Variants in HACD2 observed in about 807,000 individuals in gnomAD.
HACD2 encodes very-long-chain (3R)-3-hydroxyacyl-CoA dehydratase 2.
Under a neutral mutation model 31.0 loss-of-function variants are expected in HACD2, and 15 were observed. That is an observed-to-expected ratio of 0.48 (90% CI 0.32 to 0.75). The LOEUF is 0.75. HACD2 is among the 30% of genes least tolerant of loss of function. The pLI is 0.03. For synonymous variants in HACD2, 115 were observed against 122.2 expected (o/e 0.94, Z 0.39); for missense variants, 283 against 313.0 (o/e 0.90, Z 0.72).
intron 1 of HACD2, among the ~76,000 whole-genome samples, chr3:123,584,101 C>G (rs2056996306): frequency 6.6e-6 from 1 of 152,148 alleles, no homozygotes. Context: ...CCCAGACCAA[C>G]CCTTTAGTTT....
chr3:123,549,074 C>T (rs1267882108), intron 3 of HACD2, among the ~76,000 whole-genome samples: 1 of 151,448 alleles, frequency 6.6e-6, no homozygotes, highest in Non-Finnish European at 1.5e-5. Flanking sequence ...CCTTCAAAAG[C>T]TTATGAATAG....
chr3:123,577,629 A>C (rs820441), intron 2 of HACD2, among the ~76,000 whole-genome samples: 3,791 of 151,970 alleles, frequency 0.025, 69 homozygotes, highest in Middle Eastern at 0.085. Flanking sequence ...TCAAAAAAAA[A>C]AAAAAAAAAG....
chr3:123,575,744 A>AT (rs986675421), intron 2 of HACD2, among the ~76,000 whole-genome samples: 5 of 152,072 alleles, frequency 3.3e-5, no homozygotes, highest in Admixed American at 2.0e-4. Flanking sequence ...CTACACGGGG[A>AT]TTTTTTCTTC....
At chr3:123,584,487 T>G (rs994770984) in intron 1 of HACD2, 1 of 179,666 alleles carries the variant, frequency 5.6e-6, no homozygotes, top group Non-Finnish European at 1.2e-5. Flanking sequence ...CCACTCCCCA[T>G]GCTGGCGCCG....
chr3:123,513,711 C>T (rs1480238214), intron 4 of HACD2, among the ~76,000 whole-genome samples: 1 of 152,156 alleles, frequency 6.6e-6, no homozygotes, highest in African/African-American at 2.4e-5. Context: ...AATCCCAGTG[C>T]TCAGCACAAG....
chr3:123,509,945 T>C (rs1213950369), intron 4 of HACD2, among the ~76,000 whole-genome samples: 1 of 152,180 alleles, frequency 6.6e-6, no homozygotes, highest in Admixed American at 6.5e-5. Context: ...AGGTAGGTTT[T>C]TCATCTTACC....
intron 3 of HACD2, among the ~76,000 whole-genome samples, chr3:123,529,794 A>G (rs1223633077): frequency 6.6e-6 from 1 of 152,218 alleles, no homozygotes; most frequent in Non-Finnish European, 1.5e-5. Context: ...ACCTGGTTAT[A>G]TAATTGTGTA....
At chr3:123,515,570 G>A (rs1230692247) in intron 4 of HACD2, among the ~76,000 whole-genome samples, 4 of 152,092 alleles carry the variant, frequency 2.6e-5, no homozygotes, top group Non-Finnish European at 5.9e-5. Context: ...GCTTGGGCTC[G>A]AGAACAGGGC....
At chr3:123,513,375 A>G (rs1004178412) in intron 4 of HACD2, among the ~76,000 whole-genome samples, 2 of 152,318 alleles carry the variant, frequency 1.3e-5, no homozygotes, top group South Asian at 2.1e-4. Flanking sequence ...TAATTAATAA[A>G]AAGGAGGTGA....
intron 2 of HACD2, among the ~76,000 whole-genome samples, chr3:123,569,392 T>C (rs1386064742): frequency 6.6e-6 from 1 of 152,146 alleles, no homozygotes; most frequent in Non-Finnish European, 1.5e-5. Context: ...CACAGGATCA[T>C]ATTCTGTCAC....
At chr3:123,537,578 TACACATAC>T (rs1321238499) in intron 3 of HACD2, among the ~76,000 whole-genome samples, 88 of 144,402 alleles carry the variant, frequency 6.1e-4, no homozygotes, top group African/African-American at 1.8e-3. Flanking sequence ...CAACAACAAA[TACACATAC>T]ACACACACAC....
intron 3 of HACD2, among the ~76,000 whole-genome samples, chr3:123,561,262 T>C (rs763988590): frequency 6.6e-6 from 1 of 152,174 alleles, no homozygotes; most frequent in African/African-American, 2.4e-5. Context: ...CCGATGAATA[T>C]TAAGGTGATT....
intron 3 of HACD2, among the ~76,000 whole-genome samples, chr3:123,542,621 A>G (rs2056507158): frequency 6.6e-6 from 1 of 152,280 alleles, no homozygotes; most frequent in African/African-American, 2.4e-5. Flanking sequence ...GAGTGTATAT[A>G]TCGACACAGA....
Position 123,529,329 on chromosome 3 carries a change from T to C in HACD2, c.293-855A>G, listed in dbSNP as rs570615243. The stretch of plus-strand genomic sequence containing the variant: ...ATTGGCCAGGCTGGTCTTGAACTCC[T>C]GACCTCAGCTGATCCGCCTGCCTCG... On this transcript the variant is annotated intron_variant, in intron 3 of 6. Coordinates refer to ENST00000383657, the MANE Select transcript of HACD2 (RefSeq NM_198402.5). Among the ~76,000 whole-genome samples the C allele has an allele frequency of 4.6e-5, 7 of 152,340 alleles. No homozygotes were observed. In the East Asian group the frequency reaches 1.2e-3, roughly 25 times the overall value.
Position 123,582,283 on chromosome 3 carries a change from C to G in HACD2, c.202G>C (p.Gly68Arg). The change falls in exon 2 of 7, where the codon GGT becomes CGT. Residue 68 changes from glycine (G) to arginine (R), a missense_variant. This residue lies in a region of HACD2 where 158 missense variants were observed against 148.3 expected (regional missense o/e 1.07). Transcript: ENST00000383657. The stretch of plus-strand genomic sequence containing the variant: ...GAATAATAAAGGCTATGGTAGCTAC[C>G]CTTAGCCAGGTATGCTCGGACCAGA... ...VGLVRAYLAKGSYHSLYYSIE... is the reference protein window; with the variant it reads ...VGLVRAYLAKRSYHSLYYSIE... The G allele has an allele frequency of 6.2e-7, 1 of 1,608,760 alleles. No homozygotes were observed. The highest frequency in any genetic ancestry group is 8.5e-7 in the Non-Finnish European group (1 of 1,177,384).
At chr3:123,525,084 T>C (rs1304390139) in intron 4 of HACD2, among the ~76,000 whole-genome samples, 2 of 152,164 alleles carry the variant, frequency 1.3e-5, no homozygotes, top group Admixed American at 1.3e-4. Context: ...AATAACAAGA[T>C]TTTCGCAAGC....
intron 4 of HACD2, among the ~76,000 whole-genome samples, chr3:123,527,871 A>C (rs1288292864): frequency 6.6e-6 from 1 of 152,218 alleles, no homozygotes; most frequent in Non-Finnish European, 1.5e-5. Context: ...GGTCAGCAGC[A>C]ATCGGGTTGT....
At chr3:123,520,072 G>A (rs1335581612) in intron 4 of HACD2, among the ~76,000 whole-genome samples, 1 of 152,200 alleles carries the variant, frequency 6.6e-6, no homozygotes, top group Non-Finnish European at 1.5e-5. Flanking sequence ...CAGAGGCCAA[G>A]CTGCAGCCCT....
chr3:123,572,985 A>C (rs2056871195), intron 2 of HACD2, among the ~76,000 whole-genome samples: 1 of 152,180 alleles, frequency 6.6e-6, no homozygotes, highest in African/African-American at 2.4e-5. Flanking sequence ...AGAGTCAGGG[A>C]ATAGAGATGT....
Sources: gnomAD v4.1 joint callset for allele counts (sites outside exome capture counted in the v4.1 genomes callset) on GRCh38, gnomAD v4.1.1 for gene constraint, gnomAD v4.1.1 regional missense constraint, MANE v1.5 for transcripts, NCBI Gene and HGNC (gene_info 2026-07-23, HGNC 2026-07-21) for gene names.